BASP1: variants seen among roughly 807,000 people sequenced by gnomAD.
The protein encoded by BASP1 is brain abundant membrane attached signal protein 1, also known as brain acid soluble protein 1.
A neutral mutation model predicts 2.2 loss-of-function variants in BASP1; 1 was observed. The observed-to-expected ratio is 0.46, with a 90% CI of 0.16 to 2.17. The LOEUF (loss-of-function observed/expected upper bound fraction) is 2.17, where lower values mean the gene tolerates loss of function less well. Among genes scored for constraint, BASP1 ranks in the 30% most tolerant of loss-of-function variants. The pLI is 0.27. For synonymous variants in BASP1, 187 were observed against 154.2 expected (o/e 1.21, Z -1.58); for missense variants, 352 against 327.2 (o/e 1.08, Z -0.58).
At chr5:17,218,056 AG>A (rs985777050) in intron 1 of BASP1, among the ~76,000 whole-genome samples, 2 of 116,928 alleles carry the variant, frequency 1.7e-5, no homozygotes, top group Non-Finnish European at 3.8e-5. Flanking sequence ...TGGAGGGGTG[AG>A]GGGGGCGGCG....
Position 17,275,461 on chromosome 5 carries a change from C to A in BASP1, c.245C>A (p.Ala82Asp), listed in dbSNP as rs1366286611. The change falls in exon 2 of 2, where the codon GCC (alanine) becomes GAC (aspartate). Residue 82 changes from alanine to aspartate, a missense_variant. Physicochemically the swap from Ala to Asp is moderately radical, Grantham distance 126 (BLOSUM62 -2). Transcript: ENST00000322611. The surrounding 1 kb of genome is among the most constrained non-coding windows in gnomAD (Gnocchi z 5.3). ...EKDAAAAKEEAPKAEPEKTEG... is the reference protein window; with the variant it reads ...EKDAAAAKEEDPKAEPEKTEG... ...GACGCGGCGGCTGCCAAGGAGGAGG[C>A]CCCGAAGGCGGAGCCCGAGAAGACG... The A allele has an allele frequency of 1.3e-6, 2 of 1,504,728 alleles. No homozygotes were observed. Among genetic ancestry groups the A allele is most frequent in the East Asian group, 2.5e-5 (1 of 40,508 alleles). 93.2% of individuals were successfully genotyped at this position (1,504,728 alleles called of 1,614,324 possible). A position where few individuals can be genotyped will look rare whatever the true frequency, so the allele number is the denominator to read the frequency against.
intron 1 of BASP1, among the ~76,000 whole-genome samples, chr5:17,222,664 A>G (rs1445356726): frequency 6.6e-6 from 1 of 152,242 alleles, no homozygotes; most frequent in African/African-American, 2.4e-5. Flanking sequence ...GGAGGCAGAG[A>G]GAATGAAATA....
chr5:17,227,602 C>T (rs1451346346), intron 1 of BASP1, among the ~76,000 whole-genome samples: 6 of 152,024 alleles, frequency 3.9e-5, no homozygotes, highest in Admixed American at 2.0e-4. Context: ...TGGGGTTTCA[C>T]TATATTGGCC....
At chr5:17,267,817 CTTTTTTTTTTT>C (rs748938177) in intron 1 of BASP1, among the ~76,000 whole-genome samples, 5 of 33,432 alleles carry the variant, frequency 1.5e-4, no homozygotes, top group Admixed American at 4.9e-4. Flanking sequence ...GCTCCCAGCC[CTTTTTTTTTTT>C]TTTTTTTTTT....
At chr5:17,225,744 G>A (rs1296604451) in intron 1 of BASP1, among the ~76,000 whole-genome samples, 6 of 152,336 alleles carry the variant, frequency 3.9e-5, no homozygotes, top group South Asian at 2.1e-4. Flanking sequence ...GTCGTGGCAG[G>A]TGGTGGATGG....
intron 1 of BASP1, among the ~76,000 whole-genome samples, chr5:17,229,784 GT>G (rs60139148): frequency 0.43 from 55,199 of 128,660 alleles, 11,141 homozygotes; most frequent in African/African-American, 0.54. Flanking sequence ...GTAGGATTGG[GT>G]TTTTTTTTTT....
chr5:17,267,340 C>G (rs1740432964), intron 1 of BASP1, among the ~76,000 whole-genome samples: 1 of 152,156 alleles, frequency 6.6e-6, no homozygotes, highest in Non-Finnish European at 1.5e-5. Context: ...ACTTTTCTGA[C>G]AGTTATGACG....
intron 1 of BASP1, among the ~76,000 whole-genome samples, chr5:17,235,323 C>T (rs1006678740): frequency 5.3e-5 from 8 of 150,266 alleles, no homozygotes; most frequent in East Asian, 2.0e-4. Flanking sequence ...TGCAGTGGTG[C>T]GATCTTGGCT....
At chr5:17,243,225 T>C (rs1327607841) in intron 1 of BASP1, among the ~76,000 whole-genome samples, 1 of 152,000 alleles carries the variant, frequency 6.6e-6, no homozygotes, top group African/African-American at 2.4e-5. Context: ...CTTGACTCAC[T>C]GCAACCTCCA....
At chr5:17,222,800 A>G (rs920531893) in intron 1 of BASP1, among the ~76,000 whole-genome samples, 8 of 152,192 alleles carry the variant, frequency 5.3e-5, no homozygotes, top group Non-Finnish European at 8.8e-5. Flanking sequence ...TTTTTGACTC[A>G]ACAAGGCCGT....
At chr5:17,253,607 T>C (rs1740144468) in intron 1 of BASP1, among the ~76,000 whole-genome samples, 1 of 152,222 alleles carries the variant, frequency 6.6e-6, no homozygotes, top group Non-Finnish European at 1.5e-5. Flanking sequence ...TTTGTTTCTT[T>C]CTGTGTAGTC....
intron 1 of BASP1, among the ~76,000 whole-genome samples, chr5:17,221,559 G>C (rs1266316517): frequency 6.6e-6 from 1 of 151,948 alleles, no homozygotes; most frequent in Non-Finnish European, 1.5e-5. Context: ...TGGTACCCTG[G>C]AAACCAGGTA....
At chr5:17,234,631 G>T (rs1739706465) in intron 1 of BASP1, among the ~76,000 whole-genome samples, 2 of 152,138 alleles carry the variant, frequency 1.3e-5, no homozygotes, top group Admixed American at 6.5e-5. Context: ...CTAAAATATT[G>T]CAGAATTGAT....
chr5:17,258,300 T>C (rs576856367), intron 1 of BASP1, among the ~76,000 whole-genome samples: 2 of 152,362 alleles, frequency 1.3e-5, no homozygotes, highest in African/African-American at 4.8e-5. Context: ...CATTGGTCTT[T>C]GGGATTTTCA....
upstream of BASP1, chr5:17,217,082 G>GAC (rs1408428528): frequency 1.4e-5 from 2 of 145,816 alleles, no homozygotes; most frequent in African/African-American, 5.2e-5. Context: ...GAGAGAGAGA[G>GAC]AGAGAGAGAG....
chr5:17,262,517 T>A (rs963130198), intron 1 of BASP1, among the ~76,000 whole-genome samples: 1 of 152,328 alleles, frequency 6.6e-6, no homozygotes, highest in East Asian at 1.9e-4. Flanking sequence ...TCCTCCCTCG[T>A]AGAACTGATG....
intron 1 of BASP1, among the ~76,000 whole-genome samples, chr5:17,270,474 G>A (rs1306914706): frequency 4.6e-5 from 7 of 152,196 alleles, no homozygotes; most frequent in South Asian, 2.1e-4. Flanking sequence ...TATTCAGAGC[G>A]AAGAAGTAGA....
chr5:17,245,365 G>A (rs1739956723), intron 1 of BASP1, among the ~76,000 whole-genome samples: 1 of 150,330 alleles, frequency 6.7e-6, no homozygotes, highest in Non-Finnish European at 1.5e-5. Flanking sequence ...TGTAGTGGCT[G>A]TCAAATAATT....
intron 1 of BASP1, among the ~76,000 whole-genome samples, chr5:17,254,255 A>G (rs909561270): frequency 2.0e-5 from 3 of 152,240 alleles, no homozygotes; most frequent in Non-Finnish European, 2.9e-5. Flanking sequence ...TTGAAAAAAC[A>G]AATATCTGCT....
Sources: allele counts gnomAD v4.1 joint callset (sites outside exome capture counted in the v4.1 genomes callset), GRCh38; gene constraint gnomAD v4.1.1; non-coding constraint Gnocchi (gnomAD v3.1); transcripts MANE v1.5; gene names NCBI Gene and HGNC (gene_info 2026-07-23, HGNC 2026-07-21).